Variants in CDK19 observed in about 807,000 individuals in gnomAD.
CDK19 encodes the protein cyclin dependent kinase 19, also known as cyclin-dependent kinase 19.
CDK19 carries 20 observed loss-of-function variants against 68.3 expected under a neutral mutation model. That is an observed-to-expected ratio of 0.29 (90% CI 0.21 to 0.43). The LOEUF is 0.43. Ranked by LOEUF, CDK19 falls within the 20% of genes least tolerant of loss-of-function variation. CDK19 has a pLI of 1.00. For synonymous variants in CDK19, 221 were observed against 222.8 expected, an observed-to-expected ratio of 0.99 and a Z score of 0.07; for missense variants, 339 against 623.5, an observed-to-expected ratio of 0.54 and a Z score of 4.86.
chr6:110,778,171 CAT>C (rs775373170), intron 1 of CDK19, among the ~76,000 whole-genome samples: 2 of 152,006 alleles, frequency 1.3e-5, no homozygotes, highest in Non-Finnish European at 1.5e-5. Flanking sequence ...AAAAAAGTAA[CAT>C]GTGCTAAGTA....
intron 2 of CDK19, among the ~76,000 whole-genome samples, chr6:110,703,259 T>G (rs1054232540): frequency 1.3e-5 from 2 of 152,108 alleles, no homozygotes; most frequent in Non-Finnish European, 2.9e-5. Context: ...AGACCAAGAA[T>G]AGGCAAGCTG....
At chr6:110,795,420 T>G (rs2115087347) in intron 1 of CDK19, among the ~76,000 whole-genome samples, 1 of 152,312 alleles carries the variant, frequency 6.6e-6, no homozygotes, top group East Asian at 1.9e-4. Flanking sequence ...GGTAAGATCT[T>G]TAGCTCAGAT....
chr6:110,736,313 C>A (rs1777250725), intron 2 of CDK19, among the ~76,000 whole-genome samples: 1 of 152,164 alleles, frequency 6.6e-6, no homozygotes. Flanking sequence ...TGCACTCCAG[C>A]CTGGGCAACA....
chr6:110,702,066 G>A (rs1417133274), intron 2 of CDK19, among the ~76,000 whole-genome samples: 7 of 152,038 alleles, frequency 4.6e-5, no homozygotes, highest in East Asian at 1.9e-4. Context: ...ACTTGAACCC[G>A]GCAGGTGGAG....
intron 1 of CDK19, chr6:110,813,438 G>C (rs1179008188): frequency 6.6e-6 from 1 of 152,186 alleles, no homozygotes; most frequent in Non-Finnish European, 1.5e-5. Context: ...AACTGGATGT[G>C]CTTTCCCCAA....
At chr6:110,734,665 A>C (rs1205939122) in intron 2 of CDK19, among the ~76,000 whole-genome samples, 1 of 151,948 alleles carries the variant, frequency 6.6e-6, no homozygotes, top group Non-Finnish European at 1.5e-5. Context: ...ATGCTACCAC[A>C]AAATCCCCAA....
At chr6:110,773,468 C>T (rs1467408180) in intron 1 of CDK19, among the ~76,000 whole-genome samples, 1 of 152,098 alleles carries the variant, frequency 6.6e-6, no homozygotes, top group Non-Finnish European at 1.5e-5. Context: ...GATTAGGCTG[C>T]CCCTCTATTG....
intron 1 of CDK19, among the ~76,000 whole-genome samples, chr6:110,779,068 C>A (rs965246752): frequency 1.3e-5 from 2 of 152,124 alleles, no homozygotes; most frequent in African/African-American, 4.8e-5. Context: ...ATCTAATATA[C>A]CCACCTTTAC....
chr6:110,719,381 G>T (rs545359147), intron 2 of CDK19, among the ~76,000 whole-genome samples: 3 of 152,090 alleles, frequency 2.0e-5, no homozygotes, highest in Non-Finnish European at 4.4e-5. Flanking sequence ...TAGAGACAGG[G>T]TCCCACTATG....
chr6:110,718,131 T>C (rs1328788384), intron 2 of CDK19, among the ~76,000 whole-genome samples: 1 of 152,196 alleles, frequency 6.6e-6, no homozygotes, highest in African/African-American at 2.4e-5. Context: ...CCCAAATTTC[T>C]GTTGCCTGTA....
intron 1 of CDK19, chr6:110,813,631 A>T (rs1783296842): frequency 1.3e-5 from 2 of 152,248 alleles, no homozygotes; most frequent in African/African-American, 4.8e-5. Flanking sequence ...AAAAGAAAAA[A>T]AAAATTCTGC....
intron 2 of CDK19, among the ~76,000 whole-genome samples, chr6:110,721,697 A>G (rs1775901797): frequency 6.6e-6 from 1 of 152,116 alleles, no homozygotes; most frequent in African/African-American, 2.4e-5. Flanking sequence ...CGGGCATGGC[A>G]GCTCACGCCT....
At chr6:110,648,538 CTTTTTTTTTT>C (rs60624969) in intron 4 of CDK19, among the ~76,000 whole-genome samples, 4 of 120,218 alleles carry the variant, frequency 3.3e-5, no homozygotes, top group Non-Finnish European at 6.9e-5. Flanking sequence ...TTTTTCTTTT[CTTTTTTTTTT>C]TTTTTTTTTT....
intron 2 of CDK19, among the ~76,000 whole-genome samples, chr6:110,727,374 T>C (rs9400409): frequency 0.29 from 43,461 of 151,960 alleles, 6,903 homozygotes; most frequent in East Asian, 0.68. Context: ...TTTGAGATCA[T>C]CATGTCCAAA....
intron 1 of CDK19, among the ~76,000 whole-genome samples, chr6:110,752,863 G>A (rs1055380115): frequency 2.0e-5 from 3 of 151,880 alleles, no homozygotes; most frequent in South Asian, 2.1e-4. Flanking sequence ...CACTGACCTA[G>A]CCTACTCCTT....
At chr6:110,734,266 T>G (rs1409155488) in intron 2 of CDK19, among the ~76,000 whole-genome samples, 1 of 152,132 alleles carries the variant, frequency 6.6e-6, no homozygotes, top group Non-Finnish European at 1.5e-5. Context: ...CGCCTCAGCC[T>G]CCGAAAGTGC....
Position 110,667,594 on chromosome 6 carries a change from A to G in CDK19, c.316-20T>C. The stretch of plus-strand genomic sequence containing the variant: ...AATATGCTAAAAATTAAAAAAAAAC[A>G]TAATAATATAGTCTTTGCTAATATC... On this transcript the variant is annotated intron_variant, in intron 3 of 12. Coordinates refer to ENST00000368911, the MANE Select transcript of CDK19 (RefSeq NM_015076.5). The G allele has an allele frequency of 7.7e-7, 1 of 1,302,978 alleles. No homozygotes were observed. Among genetic ancestry groups the G allele is most frequent in the Non-Finnish European group, 1.1e-6 (1 of 938,456 alleles). 80.7% of individuals were successfully genotyped at this position (1,302,978 alleles called of 1,614,324 possible).
rs1252382736 is a variant in CDK19 at position 110,704,288 on chromosome 6, T to C, written c.205-33747A>G. Among the ~76,000 whole-genome samples, 15 of 152,230 alleles carry C rather than the reference T, an allele frequency of 9.9e-5. 1 individual carries two copies. The highest frequency in any genetic ancestry group is 3.6e-4 in the African/African-American group (15 of 41,472). ...TTTCATTAACACAGCAACCAAACCA[T>C]GTACTGTGTATTTTGCAGTCAGAGC... On this transcript the variant is annotated intron_variant, in intron 2 of 12. Transcript: ENST00000368911.
Position 110,815,334 on chromosome 6 carries a change from C to CTCT in CDK19, c.-201_-199dup. ...CGGCCACAGCAGCCACCTCCTCCAC[C>CTCT]TCTTCCTCCTCCTCCTCCGCGACGG... On this transcript the variant is annotated 5_prime_UTR_variant, in exon 1 of 13. Transcript: ENST00000368911. 2.1e-6 allele frequency: 1 copy of CTCT among 465,518 alleles called. No homozygotes were observed. The highest frequency in any genetic ancestry group is 4.6e-5 in the Admixed American group (1 of 21,838). The allele number at this position is 465,518 out of a possible 1,614,324, so 28.8% of individuals were successfully genotyped here. A position where few individuals can be genotyped will look rare whatever the true frequency, so the allele number is the denominator to read the frequency against.
Sources: gnomAD v4.1 joint callset for allele counts (sites outside exome capture counted in the v4.1 genomes callset) on GRCh38, gnomAD v4.1.1 for gene constraint, MANE v1.5 for transcripts, NCBI Gene and HGNC (gene_info 2026-07-23, HGNC 2026-07-21) for gene names.